ANK2: variants seen among roughly 807,000 people sequenced by gnomAD.
The protein encoded by ANK2 is ankyrin-2.
Under a neutral mutation model 360.5 loss-of-function variants are expected in ANK2, and 83 were observed. The observed-to-expected ratio is 0.23, with a 90% CI of 0.19 to 0.28. The LOEUF (loss-of-function observed/expected upper bound fraction) is 0.28, where lower values mean the gene tolerates loss of function less well. Ranked by LOEUF, ANK2 falls within the 10% of genes least tolerant of loss-of-function variation. The pLI is 1.00. For synonymous variants in ANK2, 1,740 were observed against 1,759.5 expected, an observed-to-expected ratio of 0.99 and a Z score of 0.28; for missense variants, 4,201 against 4,795.7, an observed-to-expected ratio of 0.88 and a Z score of 3.66.
At chr4:112,813,192 T>C (rs1233728131), upstream of ANK2, among the ~76,000 whole-genome samples, 1 of 147,078 alleles carries the variant, frequency 6.8e-6, no homozygotes, top group South Asian at 2.1e-4. Flanking sequence ...GAGCCAAGAC[T>C]GCACCACTGC....
intron 2 of ANK2, 35 bp downstream of exon 2, chr4:113,174,552 C>T (rs111908922): frequency 7.4e-5 from 105 of 1,420,838 alleles, no homozygotes; most frequent in East Asian, 3.7e-4. Flanking sequence ...TGTTGTGCAA[C>T]GAAGGAACAC....
chr4:112,810,709 G>A, the ANK2 span, among the ~76,000 whole-genome samples: 1 of 151,436 alleles, frequency 6.6e-6, no homozygotes, highest in East Asian at 2.0e-4. Flanking sequence ...CCACCACCTC[G>A]CTCGGCTAAT....
At chr4:113,249,692 T>C in intron 9 of ANK2, 72 bp from the exon 10 acceptor site, 1 of 1,415,324 alleles carries the variant, frequency 7.1e-7, no homozygotes, top group Non-Finnish European at 9.9e-7. Flanking sequence ...ACTCCCTCTT[T>C]ATGGTTGCAA....
chr4:113,228,498 C>T (rs2099252034), intron 4 of ANK2, among the ~76,000 whole-genome samples: 1 of 152,160 alleles, frequency 6.6e-6, no homozygotes, highest in African/African-American at 2.4e-5. Flanking sequence ...ATCTAGGTTG[C>T]TGCAAATGCC....
Position 113,250,759 on chromosome 4 carries a change from C to G in ANK2, c.990+897C>G, listed in dbSNP as rs918555818. On this transcript the variant is annotated intron_variant, in intron 10 of 45. Transcript: ENST00000357077. Reference sequence around the variant, plus strand: ...TCCATTCCACCTCATACCACCGCCCCCCCCCCCGACAGAGTTGGTATCAAC... The same window carrying G: ...TCCATTCCACCTCATACCACCGCCCGCCCCCCCGACAGAGTTGGTATCAAC... Among the ~76,000 whole-genome samples the G allele has an allele frequency of 1.5e-5, 2 of 134,620 alleles. 1 individual carries two copies. The highest frequency in any genetic ancestry group is 3.3e-5 in the Non-Finnish European group (2 of 60,536). 88.3% of individuals were successfully genotyped at this position (134,620 alleles called of 152,430 possible). A position where few individuals can be genotyped will look rare whatever the true frequency, so the allele number is the denominator to read the frequency against.
chr4:112,874,631 A>AGACG (rs1454405842), intron 1 of ANK2, among the ~76,000 whole-genome samples: 1 of 130,458 alleles, frequency 7.7e-6, no homozygotes, highest in Non-Finnish European at 1.6e-5. Context: ...CGACAGAGGA[A>AGACG]GACGCCATCT....
At chr4:113,174,045 G>A (rs975630490) in intron 1 of ANK2, 1 of 213,866 alleles carries the variant, frequency 4.7e-6, no homozygotes, top group South Asian at 6.9e-5. Context: ...TTGACTTGAG[G>A]TTAGCTCAGT....
chr4:112,715,607 A>C, the ANK2 span, among the ~76,000 whole-genome samples: 1 of 152,136 alleles, frequency 6.6e-6, no homozygotes, highest in Non-Finnish European at 1.5e-5. Flanking sequence ...TTCATAAATC[A>C]CTACATGCAA....
chr4:112,768,091 C>G, the ANK2 span, among the ~76,000 whole-genome samples: 1 of 152,138 alleles, frequency 6.6e-6, no homozygotes, highest in Admixed American at 6.6e-5. Flanking sequence ...TGTTGTTTAA[C>G]AGGAAAGGTC....
intron 1 of ANK2, among the ~76,000 whole-genome samples, chr4:113,112,651 G>A (rs1009417556): frequency 5.9e-5 from 9 of 152,094 alleles, no homozygotes; most frequent in African/African-American, 9.7e-5. Context: ...GGGGTGTCCC[G>A]AGGGTAGCTT....
chr4:113,065,900 C>T (rs765522230), intron 1 of ANK2, among the ~76,000 whole-genome samples: 1 of 152,170 alleles, frequency 6.6e-6, no homozygotes, highest in Non-Finnish European at 1.5e-5. Context: ...TGTTGTTCAG[C>T]TGTGATTTGT....
chr4:112,853,950 G>A (rs1039673621), intron 1 of ANK2, among the ~76,000 whole-genome samples: 127 of 152,150 alleles, frequency 8.3e-4, no homozygotes, highest in African/African-American at 3.0e-3. Flanking sequence ...TACATGCTAG[G>A]AATAATGTTA....
rs546248096 is a variant in ANK2, at chr4:113,231,857, C to T, written c.385-304C>T. On this transcript the variant is annotated intron_variant, in intron 4 of 45. Coordinates refer to ENST00000357077, the MANE Select transcript of ANK2 (RefSeq NM_001148.6). The stretch of plus-strand genomic sequence containing the variant: ...CCTCATGATCCACCCGCCTCAGACT[C>T]CCAAAGTTCTGGGATTACAGGCATG... 3.9e-5 allele frequency among the ~76,000 whole-genome samples: 6 copies of T among 152,298 alleles called. No homozygotes were observed. In the South Asian group the frequency reaches 1.2e-3, roughly 32 times the overall value.
chr4:112,958,550 T>C (rs955736501), intron 2 of ANK2, among the ~76,000 whole-genome samples: 3 of 151,634 alleles, frequency 2.0e-5, no homozygotes, highest in Admixed American at 1.3e-4. Flanking sequence ...AGCAGTACAG[T>C]CCAGCTTCGG....
chr4:113,202,913 A>C (rs2098855760), intron 4 of ANK2, among the ~76,000 whole-genome samples: 1 of 152,158 alleles, frequency 6.6e-6, no homozygotes, highest in African/African-American at 2.4e-5. Context: ...TTCTTTGTTC[A>C]ACAGTGGTAT....
At position 113,297,987 on chromosome 4, in the gene ANK2, C is replaced by T. The variant is rs146324558; in HGVS notation, c.2475+4449C>T. 1.5e-3 allele frequency among the ~76,000 whole-genome samples: 234 copies of T among 152,070 alleles called. 1 individual carries two copies. The highest frequency in any genetic ancestry group is 5.2e-3 in the African/African-American group (214 of 41,506). ...GTTTTGTAGAGACGGGGTTTTGCCA[C>T]GTTGTCCAGGCTCGTCTCAAACGAT... is the stretch of plus-strand genomic sequence containing the variant. On this transcript the variant is annotated intron_variant, in intron 22 of 45. Transcript: ENST00000357077.
chr4:112,802,840 G>T, the ANK2 span, among the ~76,000 whole-genome samples: 8 of 152,160 alleles, frequency 5.3e-5, no homozygotes, highest in Non-Finnish European at 1.2e-4. Flanking sequence ...TCCTCCCGAG[G>T]TGATATGTTA....
chr4:113,168,778 G>A (rs1051516624), intron 1 of ANK2, among the ~76,000 whole-genome samples: 4 of 152,130 alleles, frequency 2.6e-5, no homozygotes, highest in Non-Finnish European at 4.4e-5. Flanking sequence ...TGTTGGTTTC[G>A]ACAAGACAGC....
intron 1 of ANK2, among the ~76,000 whole-genome samples, chr4:112,897,250 G>T (rs577880350): frequency 1.3e-4 from 20 of 152,022 alleles, no homozygotes; most frequent in Non-Finnish European, 2.5e-4. Context: ...CTCTCTCCTG[G>T]GTTTTCCTGG....
Sources: allele counts gnomAD v4.1 joint callset (sites outside exome capture counted in the v4.1 genomes callset), GRCh38; gene constraint gnomAD v4.1.1; transcripts MANE v1.5; gene names NCBI Gene and HGNC (gene_info 2026-07-23, HGNC 2026-07-21).